ALB: variants seen among roughly 807,000 people sequenced by gnomAD.
ALB encodes serum albumin.
ALB carries 37 observed loss-of-function variants against 74.5 expected under a neutral mutation model. The ratio of observed to expected loss-of-function variants is 0.50; its 90% confidence interval spans 0.38 to 0.65. The LOEUF (loss-of-function observed/expected upper bound fraction) is 0.65. Ranked by LOEUF, ALB falls within the 30% of genes least tolerant of loss-of-function variation. The pLI is 0.00. For synonymous variants in ALB, 249 were observed against 251.6 expected (o/e 0.99, Z 0.10); for missense variants, 685 against 718.7 (o/e 0.95, Z 0.54).
In ALB at chr4:73,405,149, T is replaced by C; in HGVS notation, c.113T>C (p.Leu38Ser). 6.2e-7 allele frequency: 1 copy of C among 1,613,760 alleles called. No homozygotes were observed. Among genetic ancestry groups the C allele is most frequent in the Non-Finnish European group, 8.5e-7 (1 of 1,179,720 alleles). ...GAGGTTGCTCATCGGTTTAAAGATT[T>C]GGGAGAAGAAAATTTCAAAGCCTTG... ...KSEVAHRFKD[L>S]GEENFKALVL... The change falls in exon 2 of 15, where the codon TTG becomes TCG. Residue 38 changes from leucine to serine, a missense_variant. Leu to Ser is a moderately radical substitution (Grantham distance 145). Transcript: ENST00000295897.
At chr4:73,414,926 T>C (rs1718975322) in intron 8 of ALB, 109 bp from the exon 9 acceptor site, 2 of 1,386,146 alleles carry the variant, frequency 1.4e-6, no homozygotes, top group Non-Finnish European at 2.0e-6. Flanking sequence ...CTGCATGGGG[T>C]TTAGTCAAAT....
rs1186665753 is a variant in ALB at position 73,418,120 on chromosome 4, G to A, written c.1461G>A (p.Leu487=). The A allele has an allele frequency of 2.5e-6, 4 of 1,614,018 alleles. No individual in the cohort carries two copies. The highest frequency in any genetic ancestry group is 2.7e-5 in the African/African-American group (2 of 74,926). The part of the protein sequence containing the change: ...LSVVLNQLCV[L]HEKTPVSDRV... ...TGGTCCTGAACCAGTTATGTGTGTT[G>A]CATGAGAAAACGCCAGTAAGTGACA... is the stretch of plus-strand genomic sequence containing the variant. Residue 487 remains leucine, a synonymous_variant, in exon 12 of 15, where the codon TTG becomes TTA. Transcript: ENST00000295897.
rs527935207 is a variant in ALB at position 73,421,122 on chromosome 4, A to G, written c.*54A>G. 28 of 698,872 alleles carry G rather than the reference A, an allele frequency of 4.0e-5. No individual in the cohort carries two copies. In the African/African-American group the frequency reaches 4.7e-4, roughly 12 times the overall value. The allele number at this position is 698,872 out of a possible 1,614,324, so 43.3% of individuals were successfully genotyped here. On this transcript the variant is annotated 3_prime_UTR_variant, in exon 15 of 15. Transcript: ENST00000295897. ...CATGAGAATAAGAGAAAGAAAATGAAGATCAAAAGCTTATTCATCTGTTTT... is the reference window on the plus strand; with the variant it reads ...CATGAGAATAAGAGAAAGAAAATGAGGATCAAAAGCTTATTCATCTGTTTT...
At chr4:73,412,172 G>T in intron 7 of ALB, 47 bp downstream of exon 7, 1 of 1,611,564 alleles carries the variant, frequency 6.2e-7, no homozygotes, top group Non-Finnish European at 8.5e-7. Context: ...TGCTCAAGTT[G>T]GTAGAATGGA....
At chr4:73,412,191 G>T (rs16849331) in intron 7 of ALB, 66 bp downstream of exon 7, 43,763 of 1,577,644 alleles carry the variant, frequency 0.028, 719 homozygotes, top group South Asian at 0.051. Context: ...GATGCGTTTG[G>T]TATCATTGGT....
intron 10 of ALB, among the ~76,000 whole-genome samples, chr4:73,416,944 T>G (rs1277481003): frequency 6.6e-6 from 1 of 152,132 alleles, no homozygotes; most frequent in Non-Finnish European, 1.5e-5. Context: ...ACAGTAGATA[T>G]TTATTGTGTG....
intron 6 of ALB, 27 bp from the exon 7 acceptor site, chr4:73,411,969 C>A: frequency 6.2e-7 from 1 of 1,613,608 alleles, no homozygotes; most frequent in South Asian, 1.1e-5. Flanking sequence ...ATGATAATAC[C>A]ATTTTGATTG....
chr4:73,409,403 A>T lies in ALB; in HGVS notation c.531A>T (p.Glu177Asp), dbSNP rs149432908. ...GACATCCTTACTTTTATGCCCCGGA[A>T]CTCCTTTTCTTTGCTAAAAGGTATA... ...ARRHPYFYAPELLFFAKRYKA... is the reference protein window; with the variant it reads ...ARRHPYFYAPDLLFFAKRYKA... The change falls in exon 5 of 15, where the codon GAA becomes GAT. Residue 177 changes from glutamate (E) to aspartate (D), a missense_variant. By Grantham distance (45) the Glu-to-Asp change is conservative. Coordinates refer to ENST00000295897, the MANE Select transcript of ALB (RefSeq NM_000477.7). The T allele has an allele frequency of 7.2e-4, 1,165 of 1,613,862 alleles. No homozygotes were observed. Among genetic ancestry groups the T allele is most frequent in the Admixed American group, 9.8e-4 (59 of 59,982 alleles).
chr4:73,409,900 A>T (rs1223107289), intron 5 of ALB, among the ~76,000 whole-genome samples: 1 of 152,140 alleles, frequency 6.6e-6, no homozygotes, highest in African/African-American at 2.4e-5. Flanking sequence ...CATTCATTCC[A>T]TAAATATATA....
At chr4:73,406,293 A>G (rs1718726728) in intron 2 of ALB, among the ~76,000 whole-genome samples, 1 of 152,182 alleles carries the variant, frequency 6.6e-6, no homozygotes, top group African/African-American at 2.4e-5. Flanking sequence ...GGTTTGTTTT[A>G]GTTTTAAGTA....
chr4:73,417,692 T>A, intron 11 of ALB, 23 bp downstream of exon 11: 1 of 1,522,790 alleles, frequency 6.6e-7, no homozygotes. Flanking sequence ...AAAAATATAA[T>A]AAATTAATAA....
Position 73,418,292 on chromosome 4 carries a change from A to C in ALB, c.1633A>C (p.Arg545=). ...ADICTLSEKE[R]QIKKQTALVE... ...TATATGCACACTTTCTGAGAAGGAG[A>C]GACAAATCAAGAAACAAACGTGAGG... The change falls in exon 12 of 15, where the codon AGA becomes CGA. Residue 545 remains arginine, a synonymous_variant. Transcript: ENST00000295897. 2 of 1,613,558 alleles carry C rather than the reference A, an allele frequency of 1.2e-6. No individual in the cohort carries two copies. Among genetic ancestry groups the C allele is most frequent in the Non-Finnish European group, 1.7e-6 (2 of 1,179,634 alleles).
At chr4:73,416,232 T>G in intron 9 of ALB, 24 bp from the exon 10 acceptor site, 1 of 1,591,708 alleles carries the variant, frequency 6.3e-7, no homozygotes, top group Non-Finnish European at 8.6e-7. Flanking sequence ...ATAATACTAT[T>G]AACACAATTC....
At chr4:73,418,641 G>A (rs1208771226) in intron 12 of ALB, among the ~76,000 whole-genome samples, 1 of 152,140 alleles carries the variant, frequency 6.6e-6, no homozygotes, top group Non-Finnish European at 1.5e-5. Context: ...GGGAACCATA[G>A]GAGAATTTAT....
intron 9 of ALB, among the ~76,000 whole-genome samples, 189 bp from the exon 10 acceptor site, chr4:73,416,067 C>T (rs1025943367): frequency 6.6e-6 from 1 of 152,086 alleles, no homozygotes; most frequent in South Asian, 2.1e-4. Flanking sequence ...TATTCTTAAC[C>T]ACTTACATGA....
At chr4:73,420,930 A>G (rs1719126286) in intron 14 of ALB, 162 bp from the exon 15 acceptor site, 1 of 514,944 alleles carries the variant, frequency 1.9e-6, no homozygotes, top group Admixed American at 3.6e-5. Context: ...GCCTAGCCCA[A>G]CAGAAGAATT....
At chr4:73,406,284 G>T (rs952062116) in intron 2 of ALB, among the ~76,000 whole-genome samples, 1 of 152,090 alleles carries the variant, frequency 6.6e-6, no homozygotes, top group Non-Finnish European at 1.5e-5. Flanking sequence ...AATCTGTGGG[G>T]TTTGTTTTAG....
chr4:73,414,233 C>T (rs1718955205), intron 8 of ALB, among the ~76,000 whole-genome samples: 1 of 152,052 alleles, frequency 6.6e-6, no homozygotes, highest in South Asian at 2.1e-4. Context: ...AATAATATTT[C>T]CTAAAATTAT....
intron 2 of ALB, among the ~76,000 whole-genome samples, chr4:73,405,747 C>T (rs1405770547): frequency 1.3e-5 from 2 of 152,046 alleles, no homozygotes; most frequent in East Asian, 3.9e-4. Context: ...CCCGCCATCA[C>T]GCCCGGCTAA....
Sources: gnomAD v4.1 joint callset for allele counts (sites outside exome capture counted in the v4.1 genomes callset) on GRCh38, gnomAD v4.1.1 for gene constraint, MANE v1.5 for transcripts, NCBI Gene and HGNC (gene_info 2026-07-23, HGNC 2026-07-21) for gene names.